The following TBC1D15 variants were observed in gnomAD, a reference collection of about 807,000 sequenced individuals.
The protein encoded by TBC1D15 is TBC1 domain family member 15, also known as GAP for RAB7.
TBC1D15 carries 39 observed loss-of-function variants against 95.4 expected under a neutral mutation model. That is an observed-to-expected ratio of 0.41 (90% CI 0.32 to 0.53). The LOEUF (loss-of-function observed/expected upper bound fraction) is 0.53, where lower values mean the gene tolerates loss of function less well. Ranked by LOEUF, TBC1D15 falls within the 20% of genes least tolerant of loss-of-function variation. The pLI is 0.29. For missense variants in TBC1D15, 733 were observed against 794.3 expected (o/e 0.92, Z 0.93); for synonymous variants, 258 against 261.3 (o/e 0.99, Z 0.12).
At chr12:71,921,631 A>T (rs1388236241) in intron 16 of TBC1D15, among the ~76,000 whole-genome samples, 177 bp downstream of exon 16, 1 of 152,236 alleles carries the variant, frequency 6.6e-6, no homozygotes, top group Non-Finnish European at 1.5e-5. Context: ...AAAACAGTTG[A>T]CTATGGCAGA....
At chr12:71,863,947 G>T (rs1469799057) in intron 1 of TBC1D15, among the ~76,000 whole-genome samples, 1 of 151,124 alleles carries the variant, frequency 6.6e-6, no homozygotes, top group Non-Finnish European at 1.5e-5. Flanking sequence ...TGAATTATCT[G>T]TATTTTTTTT....
At chr12:71,869,272 C>G (rs191207917) in intron 1 of TBC1D15, among the ~76,000 whole-genome samples, 3 of 152,252 alleles carry the variant, frequency 2.0e-5, no homozygotes, top group Admixed American at 2.0e-4. Flanking sequence ...CCTGTAATCC[C>G]AGCACTTTGA....
chr12:71,844,054 C>G (rs1885716841), intron 1 of TBC1D15, among the ~76,000 whole-genome samples: 1 of 152,158 alleles, frequency 6.6e-6, no homozygotes, highest in Middle Eastern at 3.2e-3. Context: ...CTGTTCTCCC[C>G]TTCACCTCTC....
chr12:71,884,568 C>G (rs894768715), intron 4 of TBC1D15, among the ~76,000 whole-genome samples: 4 of 151,962 alleles, frequency 2.6e-5, no homozygotes, highest in Non-Finnish European at 5.9e-5. Context: ...TTGGGCAAAG[C>G]TTGTATTTTA....
intron 1 of TBC1D15, among the ~76,000 whole-genome samples, chr12:71,862,028 G>T (rs2138135399): frequency 6.6e-6 from 1 of 152,104 alleles, no homozygotes; most frequent in Non-Finnish European, 1.5e-5. Context: ...TTTCATTAGG[G>T]TCAGAAAAGA....
At chr12:71,871,859 C>T (rs940537806) in intron 1 of TBC1D15, among the ~76,000 whole-genome samples, 1 of 152,216 alleles carries the variant, frequency 6.6e-6, no homozygotes, top group Admixed American at 6.5e-5. Context: ...GATAAACTTT[C>T]ATGCATTAAC....
At chr12:71,897,781 C>T (rs1315273931) in intron 9 of TBC1D15, 66 bp from the exon 10 acceptor site, 5 of 1,199,878 alleles carry the variant, frequency 4.2e-6, no homozygotes, top group Non-Finnish European at 6.1e-6. Context: ...TAGAAAAACC[C>T]AATTAAACAG....
At position 71,894,271 on chromosome 12, in the gene TBC1D15, G is replaced by A. The variant is rs56730215; in HGVS notation, c.658-415G>A. The A allele has an allele frequency of 5.4e-3, 7,924 of 1,456,578 alleles. 354 individuals carry two copies. In the African/African-American group the frequency reaches 0.095, roughly 17 times the overall value. The allele number at this position is 1,456,578 out of a possible 1,614,324, so 90.2% of individuals were successfully genotyped here. On this transcript the variant is annotated intron_variant, in intron 6 of 16. Transcript: ENST00000485960. ...TTTAAATTTAGCCATCAAATATTTT[G>A]TGTCAGAATAGCATGGTGGTACACA...
intron 3 of TBC1D15, 21 bp downstream of exon 3, chr12:71,873,024 T>G (rs773071977): frequency 2.0e-6 from 3 of 1,506,158 alleles, no homozygotes; most frequent in Admixed American, 1.9e-5. Flanking sequence ...AAAAAATGTG[T>G]TACTAAGGGA....
intron 10 of TBC1D15, among the ~76,000 whole-genome samples, chr12:71,902,235 T>G (rs987541828): frequency 8.5e-5 from 13 of 152,216 alleles, no homozygotes; most frequent in African/African-American, 2.6e-4. Context: ...AGAAAAAAAT[T>G]CATATGCAAC....
chr12:71,852,910 C>T (rs1401721118), intron 1 of TBC1D15, among the ~76,000 whole-genome samples: 2 of 152,174 alleles, frequency 1.3e-5, no homozygotes, highest in Non-Finnish European at 2.9e-5. Context: ...GAGCCCTCCA[C>T]ACTCTTCTGA....
Position 71,913,791 on chromosome 12 carries a change from G to C in TBC1D15, c.1301-35G>C, listed in dbSNP as rs372574067. 6.9e-6 allele frequency: 10 copies of C among 1,448,170 alleles called. No homozygotes were observed. In the African/African-American group the frequency reaches 1.5e-4, roughly 22 times the overall value. 89.7% of individuals were successfully genotyped at this position (1,448,170 alleles called of 1,614,324 possible). On this transcript the variant is annotated intron_variant, in intron 11 of 16. Coordinates refer to ENST00000485960, the MANE Select transcript of TBC1D15 (RefSeq NM_001146213.3). ...ACTTGCAGAAGGTTACATAAAACTT[G>C]GGTTTTCAGAGATGATTTTTTCTTT...
At chr12:71,866,710 C>CA (rs1197162752) in intron 1 of TBC1D15, among the ~76,000 whole-genome samples, 2 of 152,212 alleles carry the variant, frequency 1.3e-5, no homozygotes, top group Admixed American at 6.5e-5. Context: ...CTCGACCTCT[C>CA]AAAGTGCTGG....
intron 4 of TBC1D15, among the ~76,000 whole-genome samples, chr12:71,883,450 T>C (rs1895616892): frequency 6.6e-6 from 1 of 152,218 alleles, no homozygotes; most frequent in African/African-American, 2.4e-5. Flanking sequence ...TTACTTTAGC[T>C]TCCTTCAAAT....
At chr12:71,843,365 G>T (rs912459236) in intron 1 of TBC1D15, among the ~76,000 whole-genome samples, 10 of 151,706 alleles carry the variant, frequency 6.6e-5, no homozygotes, top group Admixed American at 5.9e-4. Flanking sequence ...AATTTATTTT[G>T]TAGCTTAAAA....
At chr12:71,876,269 C>T (rs556374547) in intron 3 of TBC1D15, among the ~76,000 whole-genome samples, 91 of 152,128 alleles carry the variant, frequency 6.0e-4, no homozygotes, top group African/African-American at 2.0e-3. Flanking sequence ...TAGTTACAGC[C>T]CTGTGTCTAA....
rs749701704 is a variant in TBC1D15, at chr12:71,917,817, A to T, written c.1501+20A>T. On this transcript the variant is annotated intron_variant, in intron 13 of 16. Coordinates refer to ENST00000485960, the MANE Select transcript of TBC1D15 (RefSeq NM_001146213.3). ...ACTTAGGTAAGTTTAGTGAATCAGA[A>T]CTATACCCAGCAAATTGTAGAGTAA... 11 of 1,501,504 alleles carry T rather than the reference A, an allele frequency of 7.3e-6. No individual in the cohort carries two copies. Among genetic ancestry groups the T allele is most frequent in the Admixed American group, 3.4e-5 (2 of 59,310 alleles). 93.0% of individuals were successfully genotyped at this position (1,501,504 alleles called of 1,614,324 possible).
chr12:71,849,338 G>A (rs1201244165), intron 1 of TBC1D15: 3 of 1,292,324 alleles, frequency 2.3e-6, no homozygotes, highest in African/African-American at 1.5e-5. Context: ...ATCATAGGAG[G>A]CAATGGAGCT....
chr12:71,853,255 A>G (rs921786703), intron 1 of TBC1D15, among the ~76,000 whole-genome samples: 3 of 152,212 alleles, frequency 2.0e-5, no homozygotes, highest in African/African-American at 7.2e-5. Context: ...ATCAGATCTC[A>G]GGAGAACTCA....
Sources: allele counts gnomAD v4.1 joint callset (sites outside exome capture counted in the v4.1 genomes callset), GRCh38; gene constraint gnomAD v4.1.1; transcripts MANE v1.5; gene names NCBI Gene and HGNC (gene_info 2026-07-23, HGNC 2026-07-21).